ADGRF5: variants seen among roughly 807,000 people sequenced by gnomAD.
ADGRF5 encodes the protein G-protein coupled receptor 116.
In ADGRF5, 75 loss-of-function variants were observed where a neutral mutation model predicts 132.3. The observed-to-expected ratio is 0.57, with a 90% CI of 0.47 to 0.69. The LOEUF (loss-of-function observed/expected upper bound fraction) is 0.69. Among genes scored for constraint, ADGRF5 ranks in the 30% least tolerant of loss-of-function variants. ADGRF5 has a pLI of 0.00. For missense variants in ADGRF5, 1,516 were observed against 1,630.6 expected (o/e 0.93, Z 1.21); for synonymous variants, 629 against 597.6 (o/e 1.05, Z -0.77).
chr6:46,859,773 C>T (rs582185), intron 16 of ADGRF5, among the ~76,000 whole-genome samples: 127,115 of 152,062 alleles, frequency 0.84, 54,928 homozygotes, highest in East Asian at 0.99. Context: ...CCACTACACA[C>T]CCTACTCTCT....
intron 1 of ADGRF5, among the ~76,000 whole-genome samples, chr6:46,930,463 T>G (rs1777501377): frequency 6.6e-6 from 1 of 152,150 alleles, no homozygotes; most frequent in South Asian, 2.1e-4. Context: ...AAACCAGCAG[T>G]TAAAGATTTA....
chr6:46,912,263 G>A (rs1020818877), intron 1 of ADGRF5, among the ~76,000 whole-genome samples: 2 of 152,164 alleles, frequency 1.3e-5, no homozygotes, highest in African/African-American at 4.8e-5. Flanking sequence ...TTAGGGATTT[G>A]TGGAAGATAT....
intron 2 of ADGRF5, among the ~76,000 whole-genome samples, chr6:46,900,347 C>T (rs1228611193): frequency 1.3e-5 from 2 of 152,130 alleles, no homozygotes; most frequent in African/African-American, 2.4e-5. Flanking sequence ...TCATATCTGA[C>T]TTTCTCAGAG....
rs115828549 is a variant in ADGRF5 at position 46,885,373 on chromosome 6, C to A, written c.329-1102G>T. 6.8e-3 allele frequency among the ~76,000 whole-genome samples: 1,036 copies of A among 152,070 alleles called. 13 individuals carry two copies. Among genetic ancestry groups the A allele is most frequent in the African/African-American group, 0.024 (989 of 41,470 alleles). On this transcript the variant is annotated intron_variant, in intron 4 of 20. Coordinates refer to ENST00000283296, the MANE Select transcript of ADGRF5 (RefSeq NM_001098518.2). The stretch of plus-strand genomic sequence containing the variant: ...GCTAAGCTGCTCTAAGATTTCTGAC[C>A]CTCAAAAACTGAGTCTATCTTCTAA...
intron 16 of ADGRF5, 113 bp downstream of exon 16, chr6:46,860,602 G>A: frequency 1.4e-6 from 1 of 715,552 alleles, no homozygotes; most frequent in Non-Finnish European, 2.4e-6. Flanking sequence ...CCTGAGCACT[G>A]CTCTGGAAAA....
At chr6:46,893,092 G>A (rs1245648800) in intron 3 of ADGRF5, among the ~76,000 whole-genome samples, 1 of 100,678 alleles carries the variant, frequency 9.9e-6, no homozygotes, top group Non-Finnish European at 1.9e-5. Context: ...TTTGTAGAAT[G>A]GTTACAAAAG....
At chr6:46,945,773 G>C (rs62401777) in intron 1 of ADGRF5, among the ~76,000 whole-genome samples, 18,074 of 152,262 alleles carry the variant, frequency 0.12, 1,254 homozygotes, top group Non-Finnish European at 0.16. Context: ...AATTTAAAAA[G>C]GAAAGAGGTT....
chr6:46,873,338 C>T (rs1015474967), intron 10 of ADGRF5, among the ~76,000 whole-genome samples: 2 of 152,170 alleles, frequency 1.3e-5, no homozygotes, highest in African/African-American at 2.4e-5. Context: ...CAAGTCTTTG[C>T]GATTGGCCTT....
intron 1 of ADGRF5, among the ~76,000 whole-genome samples, chr6:46,927,184 T>A (rs1218451409): frequency 1.3e-5 from 2 of 151,978 alleles, no homozygotes; most frequent in Admixed American, 1.3e-4. Flanking sequence ...TCCTCAGAAT[T>A]TATCAAGGCG....
intron 1 of ADGRF5, among the ~76,000 whole-genome samples, chr6:46,938,858 A>G (rs1488383793): frequency 6.9e-6 from 1 of 144,236 alleles, no homozygotes; most frequent in Admixed American, 7.2e-5. Flanking sequence ...CTTATTTTTC[A>G]TTCTTTCTAC....
At chr6:46,861,812 TGTAG>T (rs1454314005) in intron 15 of ADGRF5, among the ~76,000 whole-genome samples, 1 of 152,200 alleles carries the variant, frequency 6.6e-6, no homozygotes. Context: ...TGAAAATGTA[TGTAG>T]GTATCTAGAA....
chr6:46,869,105 C>T lies in ADGRF5; in HGVS notation c.1412-13G>A. ...ATTGTTAGATTGGCTGAAAAAAAGG[C>T]AAACAAAACAGACAAAAGAAAACTG... On this transcript the variant is annotated splice_polypyrimidine_tract_variant and intron_variant, in intron 11 of 20. Coordinates refer to ENST00000283296, the MANE Select transcript of ADGRF5 (RefSeq NM_001098518.2). 2.5e-6 allele frequency: 4 copies of T among 1,609,918 alleles called. No homozygotes were observed. The highest frequency in any genetic ancestry group is 3.4e-6 in the Non-Finnish European group (4 of 1,177,134).
intron 2 of ADGRF5, among the ~76,000 whole-genome samples, chr6:46,903,758 T>A (rs982386221): frequency 6.6e-6 from 1 of 152,198 alleles, no homozygotes. Flanking sequence ...GAGGGGTTTA[T>A]TTGTATCAAA....
At chr6:46,883,157 G>C (rs1300866661) in intron 6 of ADGRF5, among the ~76,000 whole-genome samples, 1 of 152,110 alleles carries the variant, frequency 6.6e-6, no homozygotes, top group African/African-American at 2.4e-5. Context: ...CTGGTGTAGA[G>C]TGGTTTGAGA....
At chr6:46,917,253 T>A (rs567487020) in intron 1 of ADGRF5, among the ~76,000 whole-genome samples, 1 of 152,238 alleles carries the variant, frequency 6.6e-6, no homozygotes, top group Non-Finnish European at 1.5e-5. Context: ...CTCTGACCTT[T>A]ATGGCATATT....
At chr6:46,937,554 T>A (rs1210522469) in intron 1 of ADGRF5, among the ~76,000 whole-genome samples, 4 of 152,188 alleles carry the variant, frequency 2.6e-5, no homozygotes, top group Non-Finnish European at 5.9e-5. Flanking sequence ...CCCCAGTGGA[T>A]GCCTGAAATC....
intron 19 of ADGRF5, among the ~76,000 whole-genome samples, chr6:46,856,390 A>AT (rs2150773711): frequency 6.6e-6 from 1 of 152,156 alleles, no homozygotes; most frequent in East Asian, 1.9e-4. Context: ...AATGCCTTGA[A>AT]TCCCCCCAGA....
intron 1 of ADGRF5, among the ~76,000 whole-genome samples, chr6:46,934,936 T>C (rs78840850): frequency 9.2e-5 from 14 of 152,162 alleles, no homozygotes; most frequent in Admixed American, 2.0e-4. Flanking sequence ...CTTCAATAGA[T>C]TTTTTAGGAA....
At chr6:46,929,330 C>T (rs547734923) in intron 1 of ADGRF5, among the ~76,000 whole-genome samples, 10 of 151,332 alleles carry the variant, frequency 6.6e-5, no homozygotes, top group Non-Finnish European at 1.2e-4. Context: ...CATCACACAC[C>T]GGGGACTGTT....
Sources: allele counts gnomAD v4.1 joint callset (sites outside exome capture counted in the v4.1 genomes callset), GRCh38; gene constraint gnomAD v4.1.1; transcripts MANE v1.5; gene names NCBI Gene and HGNC (gene_info 2026-07-23, HGNC 2026-07-21).